The following SLC6A4 variants were observed in gnomAD, a reference collection of about 807,000 sequenced individuals.
SLC6A4 encodes the protein solute carrier family 6 member 4.
In SLC6A4, 22 loss-of-function variants were observed where a neutral mutation model predicts 73.4. The ratio of observed to expected loss-of-function variants is 0.30; its 90% CI spans 0.21 to 0.43. The LOEUF is 0.43. SLC6A4 is among the 20% of genes least tolerant of loss of function. SLC6A4 has a pLI of 1.00. For missense variants in SLC6A4, 593 were observed against 808.5 expected (o/e 0.73, Z 3.23); for synonymous variants, 270 against 315.5 (o/e 0.86, Z 1.53).
At chr17:30,203,598 T>A in intron 13 of SLC6A4, 1 of 451,230 alleles carries the variant, frequency 2.2e-6, no homozygotes, top group East Asian at 4.0e-5. Context: ...GCAGCAGCCC[T>A]ACAGCTGCCC....
At position 30,211,989 on chromosome 17, in the gene SLC6A4, C is replaced by T. The variant is rs887040791; in HGVS notation, c.1205-565G>A. Among the ~76,000 whole-genome samples the T allele has an allele frequency of 1.9e-4, 29 of 152,072 alleles. No individual in the cohort carries two copies. The highest frequency in any genetic ancestry group is 6.8e-4 in the African/African-American group (28 of 41,370). ...TTGGGGTATGGGGTTGGTCAAAGCACCGAATCAGGCCAAAGATACAAGCAT... is the reference window on the plus strand; with the variant it reads ...TTGGGGTATGGGGTTGGTCAAAGCATCGAATCAGGCCAAAGATACAAGCAT... On this transcript the variant is annotated intron_variant, in intron 9 of 14. Coordinates refer to ENST00000650711, the MANE Select transcript of SLC6A4 (RefSeq NM_001045.6). The surrounding 1 kb of genome is among the most constrained non-coding windows in gnomAD (Gnocchi z 4.0).
At chr17:30,216,061 A>G (rs751596479) in intron 7 of SLC6A4, 21 bp downstream of exon 7, 1 of 1,607,950 alleles carries the variant, frequency 6.2e-7, no homozygotes, top group East Asian at 2.2e-5. Flanking sequence ...ACAGGTACAC[A>G]TATTTCCCTC....
chr17:30,218,879 G>A lies in SLC6A4; in HGVS notation c.396C>T (p.Leu132=), dbSNP rs146909785. The A allele has an allele frequency of 2.5e-6, 4 of 1,614,032 alleles. No homozygotes were observed. In the African/African-American group the frequency reaches 5.3e-5, roughly 22 times the overall value. ...GTCCCAGTGCGAGCTCCATGTAAAA[G>A]AGCGGGATTCCCCCAAAAATGGCCA... ...TIMAIFGGIP[L]FYMELALGQY... The change falls in exon 4 of 15, where the codon CTC becomes CTT. Residue 132 remains leucine (L), a synonymous_variant. Coordinates refer to ENST00000650711, the MANE Select transcript of SLC6A4 (RefSeq NM_001045.6).
At chr17:30,202,969 C>T (rs1458047275) in intron 14 of SLC6A4, among the ~76,000 whole-genome samples, 1 of 152,188 alleles carries the variant, frequency 6.6e-6, no homozygotes, top group African/African-American at 2.4e-5. Flanking sequence ...ACTCTTTTGC[C>T]CTTGCATTTG....
intron 9 of SLC6A4, among the ~76,000 whole-genome samples, chr17:30,212,462 C>T (rs55673556): frequency 2.6e-4 from 39 of 152,348 alleles, no homozygotes; most frequent in Non-Finnish European, 4.1e-4. Flanking sequence ...TCATGGCTCA[C>T]TGTAGCCTTG....
chr17:30,206,712 C>CTTT (rs1056871791), intron 13 of SLC6A4, among the ~76,000 whole-genome samples: 66 of 80,292 alleles, frequency 8.2e-4, no homozygotes, highest in African/African-American at 1.3e-3. Flanking sequence ...CTTTTCTTTT[C>CTTT]TTTTTTTTTT....
Position 30,195,284 on chromosome 17 carries a change from G to A in SLC6A4, c.*3172C>T, listed in dbSNP as rs1228879663. On this transcript the variant is annotated 3_prime_UTR_variant, in exon 15 of 15. Transcript: ENST00000650711. ...TTGTTTTTGTTTTTGTTTTTTAGAT[G>A]GAGTCTTGCTCTGTCACCCAGGCTG... 1.3e-5 allele frequency: 2 copies of A among 152,322 alleles called. No individual in the cohort carries two copies. Among genetic ancestry groups the A allele is most frequent in the Non-Finnish European group, 2.9e-5 (2 of 68,234 alleles). 9.4% of individuals were successfully genotyped at this position (152,322 alleles called of 1,614,324 possible). A position where few individuals can be genotyped will look rare whatever the true frequency, so the allele number is the denominator to read the frequency against.
chr17:30,218,439 G>GCA, intron 4 of SLC6A4, 102 bp from the exon 5 acceptor site: 1 of 840,982 alleles, frequency 1.2e-6, no homozygotes, highest in Non-Finnish European at 1.9e-6. Context: ...CCCAGCAGAG[G>GCA]GGTACACGTG....
At position 30,221,502 on chromosome 17, in the gene SLC6A4, C is replaced by T. The variant is rs540247513; in HGVS notation, c.343+114G>A. ...CCGGGTCACAGCCCATCCCAGGTCA[C>T]AGCCCACCCCAGGTCGCAGCCCACC... On this transcript the variant is annotated intron_variant, in intron 3 of 14. Transcript: ENST00000650711. 1.9e-4 allele frequency: 158 copies of T among 844,762 alleles called. 2 individuals are homozygous for T. In the South Asian group the frequency reaches 2.5e-3, roughly 13 times the overall value. 52.3% of individuals were successfully genotyped at this position (844,762 alleles called of 1,614,324 possible).
chr17:30,201,532 C>T (rs950577337), intron 14 of SLC6A4, among the ~76,000 whole-genome samples: 1 of 152,206 alleles, frequency 6.6e-6, no homozygotes, highest in Non-Finnish European at 1.5e-5. Flanking sequence ...ATTAACCTAA[C>T]ACAGTTCCCA....
chr17:30,198,319 T>A lies in SLC6A4; in HGVS notation c.*137A>T. On this transcript the variant is annotated 3_prime_UTR_variant, in exon 15 of 15. Transcript: ENST00000650711. ...GAGGCCTTGAGTCTGGGCACCAGAC[T>A]GTGTCCCTGTGGAGAAGGCCCTTCC... is the stretch of plus-strand genomic sequence containing the variant. 1 of 585,724 alleles carries A rather than the reference T, an allele frequency of 1.7e-6. No individual in the cohort carries two copies. Among genetic ancestry groups the A allele is most frequent in the Non-Finnish European group, 3.1e-6 (1 of 324,636 alleles). The allele number at this position is 585,724 out of a possible 1,614,324, so 36.3% of individuals were successfully genotyped here.
intron 6 of SLC6A4, among the ~76,000 whole-genome samples, chr17:30,216,827 C>T (rs919164725): frequency 1.4e-4 from 21 of 151,132 alleles, no homozygotes; most frequent in African/African-American, 4.9e-4. Context: ...TGCCACCACA[C>T]CTGGCTATTG....
intron 11 of SLC6A4, among the ~76,000 whole-genome samples, chr17:30,209,549 A>C (rs774019663): frequency 2.7e-5 from 4 of 150,728 alleles, no homozygotes; most frequent in Non-Finnish European, 5.9e-5. Context: ...CAGGAGGCTG[A>C]GGCGGGAGAA....
intron 1 of SLC6A4, among the ~76,000 whole-genome samples, chr17:30,225,283 C>T (rs1906893573): frequency 6.6e-6 from 1 of 152,160 alleles, no homozygotes; most frequent in South Asian, 2.1e-4. Flanking sequence ...CTCTCGGTGA[C>T]TAATCGGGTC....
At chr17:30,220,815 C>T (rs932458174) in intron 3 of SLC6A4, among the ~76,000 whole-genome samples, 1 of 152,094 alleles carries the variant, frequency 6.6e-6, no homozygotes, top group Non-Finnish European at 1.5e-5. Flanking sequence ...AGGACAGAGC[C>T]TGGAGAATGC....
chr17:30,216,006 C>T, intron 7 of SLC6A4, 76 bp downstream of exon 7: 1 of 1,323,524 alleles, frequency 7.6e-7, no homozygotes, highest in Non-Finnish European at 1.1e-6. Flanking sequence ...GTTGTCCCTA[C>T]TGTCCTATTT....
rs111258513 is a variant in SLC6A4 at position 30,201,239 on chromosome 17, G to A, written c.1818+1933C>T. Among the ~76,000 whole-genome samples, 911 of 152,278 alleles carry A rather than the reference G, an allele frequency of 6.0e-3. 7 individuals carry two copies. The highest frequency in any genetic ancestry group is 0.02 in the African/African-American group (838 of 41,554). ...AGCACATTTGAAAGAGGAGGAAACC[G>A]AGGCCCAGATAAGATGAGTACCTGC... On this transcript the variant is annotated intron_variant, in intron 14 of 14. Transcript: ENST00000650711.
intron 9 of SLC6A4, 110 bp downstream of exon 9, chr17:30,212,630 G>T: frequency 7.5e-7 from 1 of 1,334,632 alleles, no homozygotes; most frequent in Non-Finnish European, 1.0e-6. Context: ...AGCCTTCTTT[G>T]GAAAATTTCA....
chr17:30,207,807 C>T lies in SLC6A4; in HGVS notation c.1575G>A (p.Val525=), dbSNP rs1906255477. The T allele has an allele frequency of 6.2e-7, 1 of 1,613,942 alleles. No homozygotes were observed. Among genetic ancestry groups the T allele is most frequent in the Non-Finnish European group, 8.5e-7 (1 of 1,179,972 alleles). The change falls in exon 13 of 15, where the codon GTG becomes GTA. Residue 525 remains valine, a synonymous_variant. Coordinates refer to ENST00000650711, the MANE Select transcript of SLC6A4 (RefSeq NM_001045.6). The part of the protein sequence containing the change: ...FYGITQFCRD[V]KEMLGFSPGW... ...CCGGGCTGAAGCCGAGCATTTCCTT[C>T]ACGTCCCTGCAGAACTGAGTGATGC... is the stretch of plus-strand genomic sequence containing the variant.
Sources: gnomAD v4.1 joint callset for allele counts (sites outside exome capture counted in the v4.1 genomes callset) on GRCh38, gnomAD v4.1.1 for gene constraint, Gnocchi (gnomAD v3.1) non-coding constraint, MANE v1.5 for transcripts, NCBI Gene and HGNC (gene_info 2026-07-23, HGNC 2026-07-21) for gene names.